FBXO34: variants seen among roughly 807,000 people sequenced by gnomAD.
The protein encoded by FBXO34 is F-box only protein 34.
A neutral mutation model predicts 24.5 loss-of-function variants in FBXO34; 12 were observed. The observed-to-expected ratio is 0.49, with a 90% CI of 0.31 to 0.79. FBXO34 has a LOEUF of 0.79. FBXO34 is among the 30% of genes least tolerant of loss of function. The pLI is 0.04. For synonymous variants in FBXO34, 320 were observed against 311.9 expected (o/e 1.03, Z -0.27); for missense variants, 823 against 857.7 (o/e 0.96, Z 0.51).
the FBXO34 span, chr14:55,378,140 T>C: frequency 7.2e-7 from 1 of 1,394,538 alleles, no homozygotes. Context: ...AAAATTTCCA[T>C]TTACAGTACA....
chr14:55,358,024 C>T (rs1470712421), downstream of FBXO34, among the ~76,000 whole-genome samples: 1 of 152,060 alleles, frequency 6.6e-6, no homozygotes, highest in African/African-American at 2.4e-5. Flanking sequence ...CTGGCCCACC[C>T]ACCCTTCCCT....
chr14:55,293,023 CAG>C (rs1881994159), intron 1 of FBXO34, among the ~76,000 whole-genome samples: 1 of 152,184 alleles, frequency 6.6e-6, no homozygotes. Context: ...GCTGGGATTA[CAG>C]GCGTGTGCCA....
chr14:55,408,365 G>C, the FBXO34 span, among the ~76,000 whole-genome samples: 2 of 152,170 alleles, frequency 1.3e-5, no homozygotes, highest in East Asian at 3.9e-4. Context: ...TGAGACAGGA[G>C]AATCGCTTGA....
downstream of FBXO34, among the ~76,000 whole-genome samples, chr14:55,365,193 A>C (rs187383386): frequency 8.7e-4 from 130 of 150,002 alleles, no homozygotes; most frequent in Middle Eastern, 3.4e-3. Flanking sequence ...CCTGGGCAAC[A>C]AAGTGAGACT....
chr14:55,319,596 CAGG>C (rs1231538371), intron 1 of FBXO34, among the ~76,000 whole-genome samples: 4 of 152,154 alleles, frequency 2.6e-5, no homozygotes, highest in Non-Finnish European at 4.4e-5. Context: ...GAATGGGTGG[CAGG>C]AGAATTAGTC....
the FBXO34 span, among the ~76,000 whole-genome samples, chr14:55,417,962 T>A: frequency 3.3e-5 from 5 of 152,222 alleles, no homozygotes; most frequent in Non-Finnish European, 7.3e-5. Flanking sequence ...CTTTCAGTTT[T>A]CTTACTTGTA....
chr14:55,411,278 C>T, the FBXO34 span, among the ~76,000 whole-genome samples: 4 of 152,220 alleles, frequency 2.6e-5, no homozygotes, highest in Admixed American at 6.5e-5. Flanking sequence ...CAGCAAAGAG[C>T]TGGGAATCTA....
At chr14:55,391,026 T>C in the FBXO34 span, 2 of 1,413,684 alleles carry the variant, frequency 1.4e-6, no homozygotes, top group South Asian at 1.2e-5. Context: ...TCACAAACGT[T>C]GGTCTCTTAT....
chr14:55,336,934 G>T (rs1883800423), intron 1 of FBXO34, among the ~76,000 whole-genome samples: 1 of 150,116 alleles, frequency 6.7e-6, no homozygotes, highest in African/African-American at 2.4e-5. Flanking sequence ...AGAATCCTAT[G>T]TGGTGTGTTT....
At chr14:55,436,086 T>C in the FBXO34 span, 3 of 501,976 alleles carry the variant, frequency 6.0e-6, no homozygotes, top group African/African-American at 4.0e-5. Flanking sequence ...TGATTCCTAG[T>C]TAAGTGTAAA....
chr14:55,339,660 A>G (rs1883925033), intron 1 of FBXO34, among the ~76,000 whole-genome samples: 1 of 152,178 alleles, frequency 6.6e-6, no homozygotes, highest in South Asian at 2.1e-4. Context: ...GTATAGATTT[A>G]TTTCTCACAG....
At chr14:55,372,541 C>T (rs909807157), downstream of FBXO34, among the ~76,000 whole-genome samples, 2 of 151,870 alleles carry the variant, frequency 1.3e-5, no homozygotes, top group Admixed American at 1.3e-4. Context: ...CTCCTCCCTT[C>T]CTTCTTTCCC....
intron 1 of FBXO34, among the ~76,000 whole-genome samples, chr14:55,320,261 T>C (rs894008870): frequency 6.6e-6 from 1 of 152,156 alleles, no homozygotes; most frequent in African/African-American, 2.4e-5. Context: ...ATGATAAACT[T>C]GCTCAGGCGG....
intron 1 of FBXO34, among the ~76,000 whole-genome samples, chr14:55,329,556 G>A (rs1333311957): frequency 2.0e-5 from 3 of 152,118 alleles, no homozygotes; most frequent in Non-Finnish European, 4.4e-5. Context: ...CTTTTCTAAA[G>A]GTTTAACTTT....
chr14:55,422,860 AAAAC>A, the FBXO34 span, among the ~76,000 whole-genome samples: 3 of 152,118 alleles, frequency 2.0e-5, no homozygotes, highest in Non-Finnish European at 2.9e-5. Flanking sequence ...CTCAAAAACA[AAAAC>A]AAACAAACAA....
the FBXO34 span, chr14:55,433,482 C>T: frequency 1.3e-6 from 1 of 750,078 alleles, no homozygotes; most frequent in Non-Finnish European, 2.2e-6. Flanking sequence ...GTGTTTTTAA[C>T]CCAAAATGTG....
intron 1 of FBXO34, among the ~76,000 whole-genome samples, chr14:55,316,739 C>A (rs1177371750): frequency 6.8e-6 from 1 of 146,630 alleles, no homozygotes; most frequent in East Asian, 2.0e-4. Flanking sequence ...AAAAAAAAAG[C>A]CATAAAAGAA....
intron 1 of FBXO34, among the ~76,000 whole-genome samples, chr14:55,324,590 T>C (rs191320474): frequency 3.2e-4 from 49 of 152,222 alleles, no homozygotes; most frequent in African/African-American, 1.1e-3. Flanking sequence ...CCACATAACA[T>C]GTAGTTTGCA....
At chr14:55,364,380 A>C (rs1269655426), downstream of FBXO34, among the ~76,000 whole-genome samples, 1 of 152,194 alleles carries the variant, frequency 6.6e-6, no homozygotes, top group African/African-American at 2.4e-5. Flanking sequence ...TCTTTAGTTT[A>C]CTATCCTCTT....
Sources: gnomAD v4.1 joint callset for allele counts (sites outside exome capture counted in the v4.1 genomes callset) on GRCh38, gnomAD v4.1.1 for gene constraint, MANE v1.5 for transcripts, NCBI Gene and HGNC (gene_info 2026-07-23, HGNC 2026-07-21) for gene names.